Variants in BARX2 observed in about 807,000 individuals in gnomAD.
BARX2 encodes the protein homeobox protein BarH-like 2.
A neutral mutation model predicts 25.5 loss-of-function variants in BARX2; 11 were observed. The observed-to-expected ratio is 0.43, with a 90% CI of 0.27 to 0.71. The LOEUF (loss-of-function observed/expected upper bound fraction) is 0.71. BARX2 is among the 30% of genes least tolerant of loss of function. The pLI, the probability that BARX2 is intolerant of heterozygous loss-of-function variation, is 0.19. For synonymous variants in BARX2, 137 were observed against 149.5 expected (o/e 0.92, Z 0.61); for missense variants, 360 against 359.9 (o/e 1.00, Z 0.00).
At chr11:129,426,069 CCTCTT>C in intron 1 of BARX2, among the ~76,000 whole-genome samples, 1 of 150,508 alleles carries the variant, frequency 6.6e-6, no homozygotes, top group Non-Finnish European at 1.5e-5. Context: ...TTTGAGTTGG[CCTCTT>C]AAAACATTTT....
chr11:129,406,104 C>T (rs936565125), intron 1 of BARX2, among the ~76,000 whole-genome samples: 1 of 152,136 alleles, frequency 6.6e-6, no homozygotes, highest in Non-Finnish European at 1.5e-5. Flanking sequence ...CCTATGGTAA[C>T]TCTAAATCAA....
chr11:129,375,315 C>T (rs1222899574), upstream of BARX2, among the ~76,000 whole-genome samples: 1 of 152,138 alleles, frequency 6.6e-6, no homozygotes, highest in Admixed American at 6.5e-5. The surrounding 1 kb of genome is among the most constrained non-coding windows in gnomAD (Gnocchi z 4.0). Flanking sequence ...AGGAGAAAGG[C>T]ACGGTGGGTC....
intron 2 of BARX2, among the ~76,000 whole-genome samples, chr11:129,441,287 G>A (rs1469091262): frequency 1.1e-4 from 17 of 152,098 alleles, no homozygotes; most frequent in Admixed American, 2.0e-4. Context: ...GTCAGACATC[G>A]TGGGTTTGAA....
At chr11:129,425,324 T>C (rs1463679957) in intron 1 of BARX2, among the ~76,000 whole-genome samples, 8 of 152,164 alleles carry the variant, frequency 5.3e-5, no homozygotes, top group Admixed American at 5.2e-4. Context: ...ACAAACAGAA[T>C]GTGTGGGTGC....
intron 3 of BARX2, 132 bp from the exon 4 acceptor site, chr11:129,451,004 A>T (rs1194674608): frequency 1.8e-6 from 2 of 1,087,204 alleles, no homozygotes; most frequent in South Asian, 1.6e-5. Flanking sequence ...GGTTGAGAAT[A>T]TATTTTGCCA....
At chr11:129,450,771 GTGT>G (rs1417663343) in intron 3 of BARX2, among the ~76,000 whole-genome samples, 1 of 152,060 alleles carries the variant, frequency 6.6e-6, no homozygotes, top group East Asian at 1.9e-4. Flanking sequence ...TTCATACAGT[GTGT>G]TTTTTTTCCT....
At chr11:129,442,433 A>G (rs1862272723) in intron 2 of BARX2, among the ~76,000 whole-genome samples, 1 of 152,138 alleles carries the variant, frequency 6.6e-6, no homozygotes, top group Non-Finnish European at 1.5e-5. Context: ...GTCTGGAATG[A>G]TGAGTGGATT....
At chr11:129,382,231 T>TGCCTGG (rs1861572551) in intron 1 of BARX2, among the ~76,000 whole-genome samples, 1 of 152,086 alleles carries the variant, frequency 6.6e-6, no homozygotes, top group Non-Finnish European at 1.5e-5. Flanking sequence ...CAGGCTGGAG[T>TGCCTGG]GCAGTGGGGC....
rs936034469 is a variant in BARX2, at chr11:129,443,034, C to T, written c.573+115C>T. On this transcript the variant is annotated intron_variant, in intron 3 of 3. Coordinates refer to ENST00000281437, the MANE Select transcript of BARX2 (RefSeq NM_003658.5). ...GTTTGGGCTGCAGAGATTGGAAGGC[C>T]TTCTATGCTGCTGGCTTGCGGGGAA... 6.2e-5 allele frequency: 54 copies of T among 867,916 alleles called. No individual in the cohort carries two copies. In the African/African-American group the frequency reaches 8.6e-4, roughly 14 times the overall value. The allele number at this position is 867,916 out of a possible 1,614,324, so 53.8% of individuals were successfully genotyped here.
chr11:129,417,625 G>A (rs999829733), intron 1 of BARX2, among the ~76,000 whole-genome samples: 8 of 152,226 alleles, frequency 5.3e-5, no homozygotes, highest in Non-Finnish European at 1.0e-4. Context: ...ACAGCTGTTG[G>A]AGGGGTGTAG....
rs1861504949 is a variant in BARX2, at chr11:129,376,409, A to C, written c.187+187A>C. Among the ~76,000 whole-genome samples, 1 of 152,210 alleles carries C rather than the reference A, an allele frequency of 6.6e-6. No homozygotes were observed. The highest frequency in any genetic ancestry group is 2.4e-5 in the African/African-American group (1 of 41,456). On this transcript the variant is annotated intron_variant, in intron 1 of 3. Coordinates refer to ENST00000281437, the MANE Select transcript of BARX2 (RefSeq NM_003658.5). The surrounding 1 kb of genome is among the most constrained non-coding windows in gnomAD (Gnocchi z 4.2). ...CCGGGAAGGACCACGCAAGGTGTGGATGGCACGAGTGGAAATAAAGGCGGC... is the reference window on the plus strand; with the variant it reads ...CCGGGAAGGACCACGCAAGGTGTGGCTGGCACGAGTGGAAATAAAGGCGGC...
At chr11:129,444,415 G>A (rs1862300206) in intron 3 of BARX2, among the ~76,000 whole-genome samples, 1 of 152,124 alleles carries the variant, frequency 6.6e-6, no homozygotes, top group African/African-American at 2.4e-5. Context: ...CTCATGAAGT[G>A]CCCACGAATT....
At chr11:129,441,090 A>G (rs1862252098) in intron 2 of BARX2, among the ~76,000 whole-genome samples, 1 of 152,172 alleles carries the variant, frequency 6.6e-6, no homozygotes, top group South Asian at 2.1e-4. Context: ...TATTAGGTCA[A>G]TGGTTGTTGT....
intron 1 of BARX2, among the ~76,000 whole-genome samples, chr11:129,408,840 G>A (rs1861858426): frequency 6.6e-6 from 1 of 152,098 alleles, no homozygotes; most frequent in African/African-American, 2.4e-5. Context: ...AGCTCCTTGA[G>A]CAGACCATGT....
chr11:129,434,976 G>A (rs761726474), intron 1 of BARX2, among the ~76,000 whole-genome samples: 1 of 152,194 alleles, frequency 6.6e-6, no homozygotes, highest in Non-Finnish European at 1.5e-5. Flanking sequence ...ATAATGATAA[G>A]CTTCTTAGTT....
chr11:129,416,011 A>T (rs540047942), intron 1 of BARX2, among the ~76,000 whole-genome samples: 1 of 152,262 alleles, frequency 6.6e-6, no homozygotes. Context: ...AATTTCAGAG[A>T]TATGGATTCC....
At chr11:129,445,936 A>G (rs1263779412) in intron 3 of BARX2, among the ~76,000 whole-genome samples, 2 of 152,146 alleles carry the variant, frequency 1.3e-5, no homozygotes, top group Non-Finnish European at 2.9e-5. Flanking sequence ...AGTAATAAAG[A>G]TGTCTCAAGG....
Position 129,436,509 on chromosome 11 carries a change from G to T in BARX2, c.188-242G>T. The T allele has an allele frequency of 2.4e-6, 1 of 409,080 alleles. No individual in the cohort carries two copies. Among genetic ancestry groups the T allele is most frequent in the Middle Eastern group, 6.3e-4 (1 of 1,584 alleles). 25.3% of individuals were successfully genotyped at this position (409,080 alleles called of 1,614,324 possible). On this transcript the variant is annotated intron_variant, in intron 1 of 3. Transcript: ENST00000281437. This position sits in a 1 kb window ranked among gnomAD's most constrained non-coding sequence, Gnocchi z 4.5. ...GGGAAAGATCTGCTTAAAACCAGAG[G>T]ACTTGCAGGAACCTCTTCTGGGCCG...
chr11:129,433,349 G>T (rs895079173), intron 1 of BARX2, among the ~76,000 whole-genome samples: 1 of 152,108 alleles, frequency 6.6e-6, no homozygotes, highest in South Asian at 2.1e-4. Context: ...CTCCTCACTG[G>T]TTTCTCTGCT....
Sources: allele counts gnomAD v4.1 joint callset (sites outside exome capture counted in the v4.1 genomes callset), GRCh38; gene constraint gnomAD v4.1.1; non-coding constraint Gnocchi (gnomAD v3.1); transcripts MANE v1.5; gene names NCBI Gene and HGNC (gene_info 2026-07-23, HGNC 2026-07-21).